BBS9: variants seen among roughly 807,000 people sequenced by gnomAD.
The protein encoded by BBS9 is protein PTHB1.
A neutral mutation model predicts 117.7 loss-of-function variants in BBS9; 89 were observed. The observed-to-expected ratio is 0.76, with a 90% CI of 0.64 to 0.90. The LOEUF (loss-of-function observed/expected upper bound fraction) is 0.90. Ranked by LOEUF, BBS9 falls within the 40% of genes least tolerant of loss-of-function variation. The pLI, the probability that BBS9 is intolerant of heterozygous loss-of-function variation, is 0.00. For synonymous variants in BBS9, 379 were observed against 370.9 expected (o/e 1.02, Z -0.25); for missense variants, 982 against 1,042.2 (o/e 0.94, Z 0.80).
chr7:33,464,030 G>A (rs933676686), intron 19 of BBS9, among the ~76,000 whole-genome samples: 4 of 151,978 alleles, frequency 2.6e-5, no homozygotes, highest in Middle Eastern at 3.4e-3. Flanking sequence ...GCTTTTAAAT[G>A]GCAATTCTAA....
At chr7:33,447,005 T>A (rs1280497269) in intron 19 of BBS9, among the ~76,000 whole-genome samples, 1 of 152,202 alleles carries the variant, frequency 6.6e-6, no homozygotes, top group African/African-American at 2.4e-5. Context: ...GGAAAGAAAC[T>A]AATGAATTTA....
intron 6 of BBS9, among the ~76,000 whole-genome samples, chr7:33,261,061 C>T (rs938979219): frequency 6.6e-6 from 1 of 151,608 alleles, no homozygotes; most frequent in Non-Finnish European, 1.5e-5. Context: ...GTTTTTCTCT[C>T]TCTCCTTTTT....
chr7:33,224,659 C>G (rs1180793038), intron 5 of BBS9, among the ~76,000 whole-genome samples: 1 of 152,170 alleles, frequency 6.6e-6, no homozygotes, highest in Non-Finnish European at 1.5e-5. Context: ...GATTGTTTGT[C>G]CTGTTAACGT....
intron 21 of BBS9, among the ~76,000 whole-genome samples, chr7:33,602,801 G>C (rs1222263439): frequency 1.3e-5 from 2 of 152,130 alleles, no homozygotes; most frequent in African/African-American, 4.8e-5. Flanking sequence ...CCTTGCTGTG[G>C]GTGTGGAGTC....
chr7:33,402,861 T>A (rs1829147971), intron 19 of BBS9, among the ~76,000 whole-genome samples: 1 of 151,894 alleles, frequency 6.6e-6, no homozygotes, highest in South Asian at 2.1e-4. Context: ...CTCCCCACTC[T>A]TATATCGCTC....
chr7:33,380,297 TGGGCCC>T (rs1182344660), intron 17 of BBS9: 1 of 167,560 alleles, frequency 6.0e-6, no homozygotes, highest in Non-Finnish European at 1.3e-5. Context: ...CCACTAAGGG[TGGGCCC>T]TGCAAGGCCC....
chr7:33,330,437 T>C (rs151256303), intron 9 of BBS9, among the ~76,000 whole-genome samples: 201 of 152,358 alleles, frequency 1.3e-3, no homozygotes, highest in African/African-American at 4.5e-3. Flanking sequence ...GTTCTTATTA[T>C]GTCATATTCT....
intron 19 of BBS9, among the ~76,000 whole-genome samples, chr7:33,395,081 G>A (rs1367372800): frequency 6.6e-6 from 1 of 152,176 alleles, no homozygotes; most frequent in African/African-American, 2.4e-5. Context: ...AAGGAAATGT[G>A]TGCGAACTGT....
At chr7:33,454,906 G>A (rs925551902) in intron 19 of BBS9, among the ~76,000 whole-genome samples, 1 of 152,108 alleles carries the variant, frequency 6.6e-6, no homozygotes. Flanking sequence ...ACCCCATTCT[G>A]GCCTCTCAAA....
chr7:33,560,456 CA>C (rs1410714957), intron 21 of BBS9, among the ~76,000 whole-genome samples: 2 of 152,108 alleles, frequency 1.3e-5, no homozygotes, highest in Non-Finnish European at 2.9e-5. Flanking sequence ...GTGAAATCAC[CA>C]CGAGATGCAT....
intron 5 of BBS9, among the ~76,000 whole-genome samples, chr7:33,244,632 G>T (rs758234896): frequency 6.6e-6 from 1 of 152,160 alleles, no homozygotes; most frequent in Non-Finnish European, 1.5e-5. Context: ...GTACCAGGTA[G>T]TTAATACAGG....
chr7:33,199,588 A>ATT (rs1003075315), intron 5 of BBS9, among the ~76,000 whole-genome samples: 1 of 147,282 alleles, frequency 6.8e-6, no homozygotes, highest in Non-Finnish European at 1.5e-5. Context: ...TCAGCAATCT[A>ATT]TTTTTTTTTT....
At chr7:33,173,269 G>A (rs1796869552) in intron 4 of BBS9, among the ~76,000 whole-genome samples, 1 of 152,206 alleles carries the variant, frequency 6.6e-6, no homozygotes, top group East Asian at 1.9e-4. Context: ...CTTTTATAAA[G>A]AGTCTTTTAA....
At chr7:33,346,346 G>A (rs963553200) in intron 12 of BBS9, 83 of 441,000 alleles carry the variant, frequency 1.9e-4, no homozygotes, top group East Asian at 5.0e-4. Context: ...TGCATGATGC[G>A]TGACCATCTA....
intron 2 of BBS9, among the ~76,000 whole-genome samples, chr7:33,151,850 CTTTTTTTTTT>C (rs11346140): frequency 1.2e-4 from 10 of 82,352 alleles, no homozygotes; most frequent in Non-Finnish European, 2.1e-4. Context: ...TGCACCCAGC[CTTTTTTTTTT>C]TTTTTTTTTT....
At chr7:33,292,224 A>G (rs137857883) in intron 9 of BBS9, among the ~76,000 whole-genome samples, 48 of 127,972 alleles carry the variant, frequency 3.8e-4, no homozygotes, top group African/African-American at 1.3e-3. Context: ...GGCTACTTAA[A>G]AATGTTTTTT....
chr7:33,525,877 C>T (rs369132065), intron 20 of BBS9, among the ~76,000 whole-genome samples: 26 of 151,152 alleles, frequency 1.7e-4, no homozygotes, highest in Non-Finnish European at 2.7e-4. Flanking sequence ...GATTTTGCAG[C>T]GGCTGGTACA....
intron 21 of BBS9, among the ~76,000 whole-genome samples, chr7:33,624,475 G>T (rs2129224852): frequency 6.6e-6 from 1 of 152,258 alleles, no homozygotes; most frequent in East Asian, 1.9e-4. Context: ...CTGTTTGGCA[G>T]TACTGTTGAG....
chr7:33,622,004 G>A (rs991361902), intron 21 of BBS9, among the ~76,000 whole-genome samples: 1 of 152,130 alleles, frequency 6.6e-6, no homozygotes, highest in Non-Finnish European at 1.5e-5. Context: ...GAGGTTAGGA[G>A]TTTGAGACCA....
Sources: allele counts gnomAD v4.1 joint callset (sites outside exome capture counted in the v4.1 genomes callset), GRCh38; gene constraint gnomAD v4.1.1; transcripts MANE v1.5; gene names NCBI Gene and HGNC (gene_info 2026-07-23, HGNC 2026-07-21).